The following DDHD1 variants were observed in gnomAD, a reference collection of about 807,000 sequenced individuals.
DDHD1 encodes the protein phospholipase DDHD1.
Under a neutral mutation model 96.4 loss-of-function variants are expected in DDHD1, and 49 were observed. That is an observed-to-expected ratio of 0.51 (90% CI 0.40 to 0.64). The LOEUF is 0.64. Among genes scored for constraint, DDHD1 ranks in the 30% least tolerant of loss-of-function variants. DDHD1 has a pLI of 0.00. For missense variants in DDHD1, 1,106 were observed against 1,161.2 expected (o/e 0.95, Z 0.69); for synonymous variants, 442 against 446.5 (o/e 0.99, Z 0.13).
At chr14:53,142,830 G>C (rs986615033) in intron 1 of DDHD1, among the ~76,000 whole-genome samples, 5 of 152,218 alleles carry the variant, frequency 3.3e-5, no homozygotes, top group Non-Finnish European at 5.9e-5. Flanking sequence ...ATAAAGGCAG[G>C]CAACAGTTAC....
chr14:53,068,229 C>T (rs111443130), intron 6 of DDHD1, among the ~76,000 whole-genome samples: 269 of 133,964 alleles, frequency 2.0e-3, no homozygotes, highest in African/African-American at 6.7e-3. Context: ...CGCAGCCACT[C>T]GGCCTTTATG....
At chr14:53,121,379 C>T (rs1352851176) in intron 1 of DDHD1, among the ~76,000 whole-genome samples, 4 of 152,190 alleles carry the variant, frequency 2.6e-5, no homozygotes, top group Admixed American at 1.3e-4. Flanking sequence ...GTGGCAATTC[C>T]TCAAGAAGCT....
At chr14:53,144,070 C>T (rs1166512930) in intron 1 of DDHD1, among the ~76,000 whole-genome samples, 3 of 152,222 alleles carry the variant, frequency 2.0e-5, no homozygotes, top group African/African-American at 7.2e-5. Flanking sequence ...ATTCACTATA[C>T]ATGAGACATA....
At position 53,097,277 on chromosome 14, in the gene DDHD1, G is replaced by A. The variant is rs532712610; in HGVS notation, c.1013-3833C>T. ...TAACAAATCTGTTGAATATGCAGAT[G>A]TAGTATATGCAAAGATTTGTGTAAT... On this transcript the variant is annotated intron_variant, in intron 2 of 12. Transcript: ENST00000673822. 2.6e-5 allele frequency among the ~76,000 whole-genome samples: 4 copies of A among 152,058 alleles called. No individual in the cohort carries two copies. In the East Asian group the frequency reaches 7.7e-4, roughly 29 times the overall value.
chr14:53,090,610 A>G (rs2139670325), intron 4 of DDHD1, among the ~76,000 whole-genome samples: 1 of 152,336 alleles, frequency 6.6e-6, no homozygotes, highest in East Asian at 1.9e-4. Context: ...CATTCTCAGC[A>G]AACTATCGCA....
In DDHD1 at chr14:53,044,228, T is replaced by C. The variant is rs1396657964; in HGVS notation, c.*2540A>G. The C allele has an allele frequency of 3.3e-5, 5 of 152,220 alleles. No homozygotes were observed. The highest frequency in any genetic ancestry group is 4.8e-5 in the African/African-American group (2 of 41,462). The allele number at this position is 152,220 out of a possible 1,614,324, so 9.4% of individuals were successfully genotyped here. A position where few individuals can be genotyped will look rare whatever the true frequency, so the allele number is the denominator to read the frequency against. On this transcript the variant is annotated 3_prime_UTR_variant, in exon 13 of 13. Coordinates refer to ENST00000673822, the MANE Select transcript of DDHD1 (RefSeq NM_001160148.2). ...AACTGAAAACAAAACATCCATCCAG[T>C]AGTCCAGAATATCTTATTTTTGAAA...
At chr14:53,087,208 A>C (rs1015282497) in intron 4 of DDHD1, among the ~76,000 whole-genome samples, 4 of 152,104 alleles carry the variant, frequency 2.6e-5, no homozygotes, top group African/African-American at 9.7e-5. Context: ...ATAGAATAAT[A>C]ATGGGAGACT....
chr14:53,063,007 C>G lies in DDHD1; in HGVS notation c.1702G>C (p.Asp568His). ...QLLQKEEELP[D>H]ERWMSYEERH... ...TCTTCATAGCTCATCCATCGTTCAT[C>G]AGGCAACTCTTCTTCCTTTTGCAGC... The change falls in exon 7 of 13, where the codon GAT becomes CAT. Residue 568 changes from aspartate to histidine, a missense_variant. Around this residue, in one of 2 missense-constraint regions of DDHD1, gnomAD observed 650 missense variants for 758.8 expected, o/e 0.86. Coordinates refer to ENST00000673822, the MANE Select transcript of DDHD1 (RefSeq NM_001160148.2). 1 of 1,612,534 alleles carries G rather than the reference C, an allele frequency of 6.2e-7. No homozygotes were observed. Among genetic ancestry groups the G allele is most frequent in the Non-Finnish European group, 8.5e-7 (1 of 1,179,232 alleles).
At chr14:53,150,859 A>G (rs1233691644) in intron 1 of DDHD1, among the ~76,000 whole-genome samples, 1 of 152,240 alleles carries the variant, frequency 6.6e-6, no homozygotes, top group African/African-American at 2.4e-5. Flanking sequence ...ATGAATATAA[A>G]CATACCCTGC....
chr14:53,075,141 G>A (rs1404523330), intron 4 of DDHD1, among the ~76,000 whole-genome samples: 5 of 152,024 alleles, frequency 3.3e-5, no homozygotes, highest in East Asian at 3.8e-4. Context: ...AAGAAGAGTC[G>A]CTTATCTCTC....
chr14:53,101,983 CCT>C (rs1887334866), intron 2 of DDHD1, among the ~76,000 whole-genome samples: 1 of 151,662 alleles, frequency 6.6e-6, no homozygotes, highest in African/African-American at 2.4e-5. Flanking sequence ...TCATACTCAT[CCT>C]CTTTCTCCTC....
intron 6 of DDHD1, among the ~76,000 whole-genome samples, chr14:53,068,565 T>C (rs1261943877): frequency 1.3e-5 from 2 of 152,128 alleles, no homozygotes; most frequent in African/African-American, 4.8e-5. Context: ...AATAATATTT[T>C]TACAGAATAC....
chr14:53,038,151 G>C lies in DDHD1; in HGVS notation c.*8617C>G, dbSNP rs1881394075. 6.6e-6 allele frequency: 1 copy of C among 152,068 alleles called. No homozygotes were observed. The highest frequency in any genetic ancestry group is 2.4e-5 in the African/African-American group (1 of 41,408). 9.4% of individuals were successfully genotyped at this position (152,068 alleles called of 1,614,324 possible). On this transcript the variant is annotated 3_prime_UTR_variant, in exon 13 of 13. Coordinates refer to ENST00000673822, the MANE Select transcript of DDHD1 (RefSeq NM_001160148.2). Reference sequence around the variant, plus strand: ...AACTGGAATAAGAAGAGGATGCCCAGTCTCATCGCTCCCATTCAACTTAGA... The same window carrying C: ...AACTGGAATAAGAAGAGGATGCCCACTCTCATCGCTCCCATTCAACTTAGA...
chr14:53,067,904 A>G (rs951161028), intron 6 of DDHD1, among the ~76,000 whole-genome samples: 2 of 152,220 alleles, frequency 1.3e-5, no homozygotes, highest in Non-Finnish European at 2.9e-5. Context: ...TTTCTATGAT[A>G]AACACATAAA....
At chr14:53,145,691 G>C (rs1273507642) in intron 1 of DDHD1, among the ~76,000 whole-genome samples, 1 of 151,918 alleles carries the variant, frequency 6.6e-6, no homozygotes, top group Non-Finnish European at 1.5e-5. Flanking sequence ...GCACATAAAA[G>C]CTTAACTCTC....
chr14:53,067,216 T>C (rs141733634), intron 6 of DDHD1, among the ~76,000 whole-genome samples: 265 of 151,532 alleles, frequency 1.7e-3, no homozygotes, highest in African/African-American at 6.2e-3. Context: ...TGGAGTGCAA[T>C]GGCGTGACCT....
intron 6 of DDHD1, among the ~76,000 whole-genome samples, chr14:53,070,875 T>A (rs1048435965): frequency 6.6e-6 from 1 of 152,018 alleles, no homozygotes; most frequent in Non-Finnish European, 1.5e-5. Context: ...TAGTTAGGAA[T>A]ATTTTTAGAT....
chr14:53,142,451 C>T (rs1890702331), intron 1 of DDHD1, among the ~76,000 whole-genome samples: 1 of 149,238 alleles, frequency 6.7e-6, no homozygotes, highest in African/African-American at 2.5e-5. Context: ...TTTTTTCTTG[C>T]CGGCATGGCA....
At chr14:53,065,213 G>A (rs369760295) in intron 6 of DDHD1, among the ~76,000 whole-genome samples, 17 of 152,236 alleles carry the variant, frequency 1.1e-4, no homozygotes, top group African/African-American at 3.8e-4. Context: ...GGAAAAACCC[G>A]GCAGTTTCAA....
Sources: gnomAD v4.1 joint callset for allele counts (sites outside exome capture counted in the v4.1 genomes callset) on GRCh38, gnomAD v4.1.1 for gene constraint, gnomAD v4.1.1 regional missense constraint, MANE v1.5 for transcripts, NCBI Gene and HGNC (gene_info 2026-07-23, HGNC 2026-07-21) for gene names.